SEMA6A: variants seen among roughly 807,000 people sequenced by gnomAD.
The protein encoded by SEMA6A is semaphorin-6A.
SEMA6A carries 25 observed loss-of-function variants against 96.8 expected under a neutral mutation model. The observed-to-expected ratio is 0.26, with a 90% confidence interval of 0.19 to 0.36. The LOEUF is 0.36. Ranked by LOEUF, SEMA6A falls within the 10% of genes least tolerant of loss-of-function variation. The pLI is 1.00. For missense variants in SEMA6A, 1,363 were observed against 1,323.1 expected, an observed-to-expected ratio of 1.03 and a Z score of -0.47; for synonymous variants, 612 against 518.0, an observed-to-expected ratio of 1.18 and a Z score of -2.46.
intron 1 of SEMA6A, among the ~76,000 whole-genome samples, chr5:116,548,148 A>G (rs547682485): frequency 3.9e-4 from 59 of 152,348 alleles, no homozygotes; most frequent in African/African-American, 1.4e-3. Context: ...TGGACACTAC[A>G]GGCCAGTTAT....
At chr5:116,479,508 C>T (rs1308948334) in intron 12 of SEMA6A, among the ~76,000 whole-genome samples, 2 of 152,186 alleles carry the variant, frequency 1.3e-5, no homozygotes. Flanking sequence ...AGTTAATTAA[C>T]ATTTTGTTTG....
intron 18 of SEMA6A, among the ~76,000 whole-genome samples, chr5:116,448,198 T>G (rs1374055425): frequency 1.9e-5 from 2 of 105,460 alleles, no homozygotes; most frequent in Non-Finnish European, 3.9e-5. Context: ...AAAAAAAAAT[T>G]AGCCAGGCGC....
intron 1 of SEMA6A, among the ~76,000 whole-genome samples, chr5:116,538,342 C>T (rs1386068932): frequency 1.3e-5 from 2 of 152,086 alleles, no homozygotes; most frequent in East Asian, 1.9e-4. Flanking sequence ...TTTTGTCTTC[C>T]TCAAAACAAT....
At chr5:116,486,094 T>A (rs1327829193) in intron 10 of SEMA6A, among the ~76,000 whole-genome samples, 1 of 152,194 alleles carries the variant, frequency 6.6e-6, no homozygotes, top group Non-Finnish European at 1.5e-5. Context: ...ACTAGAGCCT[T>A]CCAGAGTCAG....
chr5:116,486,404 T>C (rs1419876140), intron 10 of SEMA6A, among the ~76,000 whole-genome samples: 1 of 152,226 alleles, frequency 6.6e-6, no homozygotes, highest in Admixed American at 6.5e-5. Flanking sequence ...TAGTATAATA[T>C]GTCGAGCTCA....
At chr5:116,569,994 CTAT>C (rs1761146214) in intron 1 of SEMA6A, among the ~76,000 whole-genome samples, 1 of 152,140 alleles carries the variant, frequency 6.6e-6, no homozygotes, top group Non-Finnish European at 1.5e-5. Context: ...ATGATACCCT[CTAT>C]TGGTGTAAAT....
chr5:116,539,719 T>C (rs1696621876), intron 1 of SEMA6A, among the ~76,000 whole-genome samples: 1 of 152,194 alleles, frequency 6.6e-6, no homozygotes, highest in Admixed American at 6.5e-5. Flanking sequence ...ACCACTAGAA[T>C]GGTTAAAACC....
At chr5:116,504,356 A>C (rs1242440029) in intron 2 of SEMA6A, among the ~76,000 whole-genome samples, 1 of 152,176 alleles carries the variant, frequency 6.6e-6, no homozygotes, top group Non-Finnish European at 1.5e-5. Flanking sequence ...AAACAGTTAA[A>C]ATGGGTCCTC....
intron 1 of SEMA6A, among the ~76,000 whole-genome samples, chr5:116,539,588 TGC>T (rs1759872360): frequency 7.0e-6 from 1 of 143,872 alleles, no homozygotes; most frequent in African/African-American, 2.9e-5. Context: ...AATAATTCTG[TGC>T]GTGTGTGTGT....
chr5:116,486,623 C>T (rs886519748), intron 10 of SEMA6A, 126 bp downstream of exon 10: 1 of 732,596 alleles, frequency 1.4e-6, no homozygotes, highest in African/African-American at 1.8e-5. Context: ...GTGTTAAGTG[C>T]TTCTTAGCTA....
chr5:116,512,030 A>C (rs190587890), intron 1 of SEMA6A, among the ~76,000 whole-genome samples: 11 of 152,332 alleles, frequency 7.2e-5, no homozygotes, highest in African/African-American at 2.6e-4. Flanking sequence ...CAGAGGCTGG[A>C]ACTGCTGATC....
At chr5:116,493,771 A>AGG (rs1481488019) in intron 6 of SEMA6A, among the ~76,000 whole-genome samples, 2 of 152,118 alleles carry the variant, frequency 1.3e-5, no homozygotes, top group African/African-American at 4.8e-5. Context: ...TCCCACTCCT[A>AGG]GGGTTTCACT....
intron 18 of SEMA6A, among the ~76,000 whole-genome samples, chr5:116,462,044 T>C (rs1173752550): frequency 3.3e-5 from 5 of 152,166 alleles, no homozygotes; most frequent in Non-Finnish European, 7.4e-5. Context: ...ATTACTGTCA[T>C]CAGGAATAAT....
intron 1 of SEMA6A, among the ~76,000 whole-genome samples, chr5:116,510,554 C>A (rs1228166702): frequency 6.6e-6 from 1 of 152,024 alleles, no homozygotes; most frequent in East Asian, 1.9e-4. Flanking sequence ...TCTCCATAGT[C>A]CTCAATAAAT....
intron 1 of SEMA6A, among the ~76,000 whole-genome samples, chr5:116,516,940 GTT>G (rs569861658): frequency 2.0e-3 from 308 of 152,238 alleles, no homozygotes; most frequent in African/African-American, 7.0e-3. Context: ...GGTGTTCATT[GTT>G]TTTGAAGTCT....
intron 1 of SEMA6A, among the ~76,000 whole-genome samples, chr5:116,510,578 T>G (rs1377019379): frequency 1.3e-5 from 2 of 152,162 alleles, no homozygotes; most frequent in Non-Finnish European, 1.5e-5. Context: ...TATTTATTCT[T>G]CAGCTGAGAC....
At chr5:116,495,578 T>TCAGCCA in intron 5 of SEMA6A, 64 bp from the exon 6 acceptor site, 2 of 1,198,448 alleles carry the variant, frequency 1.7e-6, no homozygotes, top group Non-Finnish European at 2.4e-6. Flanking sequence ...TTCTTCACTG[T>TCAGCCA]ATGCCATGGT....
At chr5:116,572,447 C>G (rs534144813) in intron 1 of SEMA6A, among the ~76,000 whole-genome samples, 63 of 152,360 alleles carry the variant, frequency 4.1e-4, no homozygotes, top group East Asian at 3.7e-3. Context: ...GTGCTTGCCC[C>G]GGCTGTGAAG....
intron 18 of SEMA6A, among the ~76,000 whole-genome samples, chr5:116,459,247 C>A (rs72810793): frequency 0.19 from 28,536 of 152,114 alleles, 2,854 homozygotes; most frequent in East Asian, 0.37. Flanking sequence ...TAGTAACAGA[C>A]ACTTTAGATC....
Sources: gnomAD v4.1 joint callset for allele counts (sites outside exome capture counted in the v4.1 genomes callset) on GRCh38, gnomAD v4.1.1 for gene constraint, MANE v1.5 for transcripts, NCBI Gene and HGNC (gene_info 2026-07-23, HGNC 2026-07-21) for gene names.